The following MTMR10 variants were observed in gnomAD, a reference collection of about 807,000 sequenced individuals.
MTMR10 encodes the protein myotubularin-related protein 10.
In MTMR10, 56 loss-of-function variants were observed where a neutral mutation model predicts 88.1. The observed-to-expected ratio is 0.64, with a 90% CI of 0.51 to 0.79. MTMR10 has a LOEUF of 0.79. Among genes scored for constraint, MTMR10 ranks in the 30% least tolerant of loss-of-function variants. MTMR10 has a pLI of 0.00. For missense variants in MTMR10, 883 were observed against 924.7 expected (o/e 0.95, Z 0.58); for synonymous variants, 380 against 340.9 (o/e 1.11, Z -1.26).
In MTMR10 at chr15:30,945,698, G is replaced by T. The variant is rs537800181; in HGVS notation, c.1548+1432C>A. 2.6e-5 allele frequency among the ~76,000 whole-genome samples: 4 copies of T among 152,348 alleles called. No homozygotes were observed. In the South Asian group the frequency reaches 8.3e-4, roughly 32 times the overall value. The stretch of plus-strand genomic sequence containing the variant: ...TAAAAACAAGCAACTGGGAGAGCAT[G>T]TATTTTAGGAACAAATGAGCGTTCC... On this transcript the variant is annotated intron_variant, in intron 14 of 15. Coordinates refer to ENST00000435680, the MANE Select transcript of MTMR10 (RefSeq NM_017762.3).
At chr15:30,932,716 CT>C in the MTMR10 span, among the ~76,000 whole-genome samples, 6,587 of 134,252 alleles carry the variant, frequency 0.049, 464 homozygotes, top group African/African-American at 0.17. Context: ...TGTTTCTTTT[CT>C]TTTTTTTTTT....
chr15:30,929,689 TATA>T, the MTMR10 span, among the ~76,000 whole-genome samples: 1 of 114,574 alleles, frequency 8.7e-6, no homozygotes, highest in Non-Finnish European at 1.6e-5. Flanking sequence ...ATATAATATA[TATA>T]AAATATATAT....
the MTMR10 span, chr15:30,925,658 C>A: frequency 2.0e-6 from 2 of 1,025,484 alleles, no homozygotes; most frequent in Non-Finnish European, 2.9e-6. Flanking sequence ...CGTGTGTGAG[C>A]CCCACGCTGT....
intron 9 of MTMR10, among the ~76,000 whole-genome samples, chr15:30,956,843 C>G (rs2063334322): frequency 6.6e-6 from 1 of 152,198 alleles, no homozygotes; most frequent in South Asian, 2.1e-4. Context: ...AGCAAAATTC[C>G]TAACTGTGCA....
intron 2 of MTMR10, among the ~76,000 whole-genome samples, chr15:30,981,087 A>C (rs2030538479): frequency 6.6e-6 from 1 of 152,264 alleles, no homozygotes; most frequent in South Asian, 2.1e-4. Context: ...TGTGTGCAAC[A>C]TGCATTGATG....
the MTMR10 span, chr15:30,925,208 C>T: frequency 2.7e-5 from 44 of 1,613,966 alleles, no homozygotes; most frequent in East Asian, 4.5e-5. Context: ...GCGAGCCGTG[C>T]GCCTGCGAGA....
intron 14 of MTMR10, 141 bp from the exon 15 acceptor site, chr15:30,943,213 C>A (rs1019191011): frequency 3.8e-5 from 53 of 1,405,110 alleles, no homozygotes; most frequent in Non-Finnish European, 4.7e-5. Flanking sequence ...ACTTTCACTT[C>A]AAGAGAGGAG....
chr15:30,958,892 G>A lies in MTMR10; in HGVS notation c.906C>T (p.Asp302=), dbSNP rs1244387731. Residue 302 remains aspartate (D), a synonymous_variant, in exon 9 of 16, where the codon GAC becomes GAT. Coordinates refer to ENST00000435680, the MANE Select transcript of MTMR10 (RefSeq NM_017762.3). ...SALVRMALIK[D]VLQQRKIDQR... ...GGTCAATCTTCCTCTGCTGCAGCAC[G>A]TCTTTGATGAGGGCCATTCGCACAA... 1 of 1,613,776 alleles carries A rather than the reference G, an allele frequency of 6.2e-7. No individual in the cohort carries two copies. The highest frequency in any genetic ancestry group is 8.5e-7 in the Non-Finnish European group (1 of 1,179,830).
At chr15:30,970,601 A>G (rs1397012469) in intron 5 of MTMR10, among the ~76,000 whole-genome samples, 1 of 152,168 alleles carries the variant, frequency 6.6e-6, no homozygotes, top group African/African-American at 2.4e-5. Context: ...AATAATACTA[A>G]TGTCTATCAC....
At chr15:30,989,586 G>GTTT (rs35798908) in intron 2 of MTMR10, among the ~76,000 whole-genome samples, 1 of 143,400 alleles carries the variant, frequency 7.0e-6, no homozygotes. Flanking sequence ...TTGATTTCAG[G>GTTT]TTTTTTTTTT....
rs746184465 is a variant in MTMR10 at position 30,990,808 on chromosome 15, C to T, written c.90G>A (p.Lys30=). ...AAAGGACTGGCTCCAGTTTTTTAAT[C>T]TTCGGTTCCGAATTGATCTTATCGT... ...QTDDKINSEP[K]IKKLEPVLLP... The change falls in exon 2 of 16, where the codon AAG becomes AAA. Residue 30 remains lysine (K), a synonymous_variant. Coordinates refer to ENST00000435680, the MANE Select transcript of MTMR10 (RefSeq NM_017762.3). The T allele has an allele frequency of 1.9e-6, 3 of 1,609,200 alleles. No individual in the cohort carries two copies. The South Asian group carries it at 3.3e-5, about 18-fold the overall frequency.
intron 14 of MTMR10, 57 bp from the exon 15 acceptor site, chr15:30,943,129 T>G (rs1301705946): frequency 1.3e-6 from 2 of 1,503,434 alleles, no homozygotes; most frequent in Non-Finnish European, 1.8e-6. Flanking sequence ...TGAATGCCTT[T>G]TTTCAGATGA....
the MTMR10 span, among the ~76,000 whole-genome samples, chr15:30,929,958 CATATAATATATAAAAT>C: frequency 3.0e-5 from 3 of 100,764 alleles, no homozygotes; most frequent in Non-Finnish European, 5.6e-5. Flanking sequence ...TAATATATAT[CATATAATATATAAAAT>C]ATATAATATA....
At chr15:30,945,682 G>C (rs1251225173) in intron 14 of MTMR10, among the ~76,000 whole-genome samples, 1 of 152,226 alleles carries the variant, frequency 6.6e-6, no homozygotes, top group African/African-American at 2.4e-5. Flanking sequence ...ATAAAAACAA[G>C]CAACTGGGAG....
intron 5 of MTMR10, among the ~76,000 whole-genome samples, chr15:30,969,439 C>G (rs1439560856): frequency 2.6e-5 from 4 of 152,080 alleles, no homozygotes; most frequent in Non-Finnish European, 5.9e-5. Flanking sequence ...CTACTGAAAT[C>G]TGTAGCTTGA....
At chr15:30,954,598 G>A (rs1215551197) in intron 10 of MTMR10, among the ~76,000 whole-genome samples, 165 bp downstream of exon 10, 1 of 152,106 alleles carries the variant, frequency 6.6e-6, no homozygotes, top group Non-Finnish European at 1.5e-5. Context: ...TAATTCCTTA[G>A]GAGGTTCTGA....
In MTMR10 at chr15:30,947,163, G is replaced by C; in HGVS notation, c.1515C>G (p.Phe505Leu). 1 of 1,613,284 alleles carries C rather than the reference G, an allele frequency of 6.2e-7. No individual in the cohort carries two copies. Among genetic ancestry groups the C allele is most frequent in the Non-Finnish European group, 8.5e-7 (1 of 1,179,698 alleles). Reference sequence around the variant, plus strand: ...GCTTCACTCGCTGGTGAGGGGAGTTGAACAGGAAGGTGCCAAACAGTGAGA... The same window carrying C: ...GCTTCACTCGCTGGTGAGGGGAGTTCAACAGGAAGGTGCCAAACAGTGAGA... ...TRISLFGTFL[F>L]NSPHQRVKQS... is the part of the protein sequence containing the mutation. The change falls in exon 14 of 16, where the codon TTC becomes TTG. Residue 505 changes from phenylalanine to leucine, a missense_variant. Phe to Leu is a conservative substitution (Grantham distance 22). Coordinates refer to ENST00000435680, the MANE Select transcript of MTMR10 (RefSeq NM_017762.3).
intron 11 of MTMR10, 56 bp from the exon 12 acceptor site, chr15:30,952,094 T>TA: frequency 1.4e-6 from 2 of 1,405,200 alleles, no homozygotes; most frequent in Non-Finnish European, 2.0e-6. Flanking sequence ...TACAAATACA[T>TA]AAAGTACTTG....
the MTMR10 span, among the ~76,000 whole-genome samples, chr15:30,929,892 A>G: frequency 4.1e-5 from 3 of 73,574 alleles, 1 homozygote; most frequent in East Asian, 3.6e-3. Context: ...TATATATCAT[A>G]TATAATATAT....
Sources: allele counts gnomAD v4.1 joint callset (sites outside exome capture counted in the v4.1 genomes callset), GRCh38; gene constraint gnomAD v4.1.1; transcripts MANE v1.5; gene names NCBI Gene and HGNC (gene_info 2026-07-23, HGNC 2026-07-21).